The following APOC4 variants were observed in gnomAD, a reference collection of about 807,000 sequenced individuals.
The protein encoded by APOC4 is apolipoprotein C4.
In APOC4, 10 loss-of-function variants were observed where a neutral mutation model predicts 8.4. The ratio of observed to expected loss-of-function variants is 1.19; its 90% CI spans 0.74 to 2.03. The LOEUF (loss-of-function observed/expected upper bound fraction) is 2.03, where lower values mean the gene tolerates loss of function less well. Among genes scored for constraint, APOC4 ranks in the 30% most tolerant of loss-of-function variants. The pLI is 0.00. For synonymous variants in APOC4, 59 were observed against 65.8 expected, an observed-to-expected ratio of 0.90 and a Z score of 0.50; for missense variants, 160 against 156.1, an observed-to-expected ratio of 1.02 and a Z score of -0.13.
At chr19:44,944,994 G>T in intron 2 of APOC4, 104 bp downstream of exon 2, 1 of 1,523,330 alleles carries the variant, frequency 6.6e-7, no homozygotes, top group Non-Finnish European at 8.8e-7. Flanking sequence ...AAGGGTGGGA[G>T]TGGGGCTGTG....
At chr19:44,944,981 G>C (rs777229733) in intron 2 of APOC4, 91 bp downstream of exon 2, 1 of 1,527,318 alleles carries the variant, frequency 6.5e-7, no homozygotes, top group African/African-American at 1.4e-5. Flanking sequence ...TCAGGGAGGA[G>C]GAAAGGGTGG....
chr19:44,943,571 C>CA (rs1453447627), intron 1 of APOC4, among the ~76,000 whole-genome samples: 6 of 151,654 alleles, frequency 4.0e-5, no homozygotes, highest in Admixed American at 6.6e-5. Context: ...ACTAAAAATA[C>CA]AAAAAATTAG....
intron 1 of APOC4, among the ~76,000 whole-genome samples, chr19:44,943,203 G>A (rs1970279213): frequency 6.6e-6 from 1 of 151,854 alleles, no homozygotes; most frequent in Non-Finnish European, 1.5e-5. Flanking sequence ...TTATAGGCGT[G>A]AGCCACTGCG....
At position 44,942,391 on chromosome 19, in the gene APOC4, C is replaced by T. The variant is rs372305822; in HGVS notation, c.76+38C>T. The stretch of plus-strand genomic sequence containing the variant: ...GGGTGGAGGGATGTGGGGCCCACAC[C>T]TGGTGGGTGTGAGTGTGGCTGTGTG... On this transcript the variant is annotated intron_variant, in intron 1 of 2. Transcript: ENST00000592954. 5.2e-5 allele frequency: 83 copies of T among 1,602,526 alleles called. 2 individuals are homozygous for T. In the African/African-American group the frequency reaches 1.0e-3, roughly 20 times the overall value.
chr19:44,943,127 T>C (rs1970278202), intron 1 of APOC4, among the ~76,000 whole-genome samples: 1 of 152,094 alleles, frequency 6.6e-6, no homozygotes, highest in Admixed American at 6.5e-5. Flanking sequence ...TTCGCCGTGT[T>C]AGCCAGGATG....
In APOC4 at chr19:44,945,123, T is replaced by C. The variant is rs750133809; in HGVS notation, c.219-17T>C. 3.1e-6 allele frequency: 5 copies of C among 1,610,760 alleles called. No individual in the cohort carries two copies. The East Asian group carries it at 6.7e-5, about 22-fold the overall frequency. The stretch of plus-strand genomic sequence containing the variant: ...GGGAGAGCTGGGGCCTCCACTGTGA[T>C]GTCCTCTCTCCTGTAGGAGCCCGAG... On this transcript the variant is annotated splice_polypyrimidine_tract_variant and intron_variant, in intron 2 of 2. Transcript: ENST00000592954.
intron 1 of APOC4, 96 bp from the exon 2 acceptor site, chr19:44,944,653 G>A: frequency 6.9e-7 from 1 of 1,457,048 alleles, no homozygotes; most frequent in Non-Finnish European, 9.1e-7. Flanking sequence ...GGCTGCCCCT[G>A]GGCCACCGGG....
rs1970304004 is a variant in APOC4, at chr19:44,945,170, G to A, written c.249G>A (p.Gln83=). The change falls in exon 3 of 3, where the codon CAG becomes CAA. Residue 83 remains glutamine (Q), a synonymous_variant. Coordinates refer to ENST00000592954, the MANE Select transcript of APOC4 (RefSeq NM_001646.3). ...WSPSTFRGFM[Q]TYYDDHLRDL... The stretch of plus-strand genomic sequence containing the variant: ...CGAGCACCTTCCGGGGCTTCATGCA[G>A]ACCTACTATGACGACCACCTGAGGG... The A allele has an allele frequency of 3.7e-6, 6 of 1,613,968 alleles. No individual in the cohort carries two copies. The highest frequency in any genetic ancestry group is 1.3e-5 in the African/African-American group (1 of 74,908).
In APOC4 at chr19:44,945,282, T is replaced by C. The variant is rs1233151881; in HGVS notation, c.361T>C (p.Cys121Arg). 2.5e-6 allele frequency: 4 copies of C among 1,613,794 alleles called. No individual in the cohort carries two copies. Among genetic ancestry groups the C allele is most frequent in the Non-Finnish European group, 3.4e-6 (4 of 1,179,942 alleles). ...CCACAGCCTGTGCCCCAGGCTTGTC[T>C]GTGGGGACAAGGACCAGGGTTAAAA... ...KTHSLCPRLV[C>R]GDKDQG is the part of the protein sequence containing the mutation. Residue 121 changes from cysteine to arginine, a missense_variant, in exon 3 of 3, where the codon TGT (cysteine) becomes CGT (arginine). By Grantham distance (180) the Cys-to-Arg change is radical. Transcript: ENST00000592954.
At chr19:44,944,961 C>T in intron 2 of APOC4, 71 bp downstream of exon 2, 1 of 1,540,268 alleles carries the variant, frequency 6.5e-7, no homozygotes, top group Non-Finnish European at 8.8e-7. Context: ...GGGGCCTGGA[C>T]CCCTGAGTCT....
In APOC4 at chr19:44,945,272, C is replaced by G; in HGVS notation, c.351C>G (p.Pro117=). 6.2e-7 allele frequency: 1 copy of G among 1,613,914 alleles called. No individual in the cohort carries two copies. Among genetic ancestry groups the G allele is most frequent in the South Asian group, 1.1e-5 (1 of 91,072 alleles). The change falls in exon 3 of 3, where the codon CCC becomes CCG. Residue 117 remains proline (P), a synonymous_variant. Coordinates refer to ENST00000592954, the MANE Select transcript of APOC4 (RefSeq NM_001646.3). ...TGAAGAAGACCCACAGCCTGTGCCC[C>G]AGGCTTGTCTGTGGGGACAAGGACC... is the stretch of plus-strand genomic sequence containing the variant. The part of the protein sequence containing the change: ...SLLKKTHSLC[P]RLVCGDKDQG
At chr19:44,942,519 G>C (rs1970270387) in intron 1 of APOC4, among the ~76,000 whole-genome samples, 166 bp downstream of exon 1, 1 of 152,154 alleles carries the variant, frequency 6.6e-6, no homozygotes, top group Non-Finnish European at 1.5e-5. Context: ...CGGTGGCTGA[G>C]AGTGAAGTGT....
At position 44,942,355 on chromosome 19, in the gene APOC4, T is replaced by G. The variant is rs1599984332; in HGVS notation, c.76+2T>G. 6.2e-7 allele frequency: 1 copy of G among 1,611,904 alleles called. No individual in the cohort carries two copies. The highest frequency in any genetic ancestry group is 1.1e-5 in the South Asian group (1 of 90,738). On this transcript the variant is annotated splice_donor_variant, in intron 1 of 2. Transcript: ENST00000592954. LOFTEE classifies it high-confidence loss of function. Reference sequence around the variant, plus strand: ...TGCTGGTCCTGGCCTGCATTGGGGGTGAGAAGAAGTGGGTGGAGGGATGTG... The same window carrying G: ...TGCTGGTCCTGGCCTGCATTGGGGGGGAGAAGAAGTGGGTGGAGGGATGTG...
intron 2 of APOC4, 55 bp from the exon 3 acceptor site, chr19:44,945,085 C>T: frequency 1.3e-6 from 2 of 1,581,222 alleles, no homozygotes; most frequent in South Asian, 1.2e-5. Context: ...ATAAATGGGG[C>T]AGAGAACACC....
chr19:44,943,585 T>A (rs998648550), intron 1 of APOC4, among the ~76,000 whole-genome samples: 6 of 151,718 alleles, frequency 4.0e-5, no homozygotes, highest in Non-Finnish European at 8.8e-5. Flanking sequence ...AAATTAGCCA[T>A]GCATGGTGGC....
chr19:44,943,166 C>G (rs1970278831), intron 1 of APOC4, among the ~76,000 whole-genome samples: 1 of 152,022 alleles, frequency 6.6e-6, no homozygotes, highest in Non-Finnish European at 1.5e-5. Context: ...CGTGATCCGC[C>G]TGCCTCGGCC....
rs1196589330 is a variant in APOC4, at chr19:44,945,244, T to A, written c.323T>A (p.Leu108His). Reference sequence around the variant, plus strand: ...TGGTTCCTCGAATCCAAAGACAGCCTCTTGAAGAAGACCCACAGCCTGTGC... The same window carrying A: ...TGGTTCCTCGAATCCAAAGACAGCCACTTGAAGAAGACCCACAGCCTGTGC... ...KAWFLESKDS[L>H]LKKTHSLCPR... is the part of the protein sequence containing the mutation. The change falls in exon 3 of 3, where the codon CTC (leucine) becomes CAC (histidine). Residue 108 changes from leucine (L) to histidine (H), a missense_variant. Coordinates refer to ENST00000592954, the MANE Select transcript of APOC4 (RefSeq NM_001646.3). 2.5e-6 allele frequency: 4 copies of A among 1,613,886 alleles called. No individual in the cohort carries two copies. The highest frequency in any genetic ancestry group is 3.4e-6 in the Non-Finnish European group (4 of 1,179,992).
Position 44,942,305 on chromosome 19 carries a change from G to A in APOC4, c.28G>A (p.Ala10Thr). The A allele has an allele frequency of 2.5e-6, 4 of 1,613,306 alleles. No individual in the cohort carries two copies. Among genetic ancestry groups the A allele is most frequent in the Non-Finnish European group, 2.5e-6 (3 of 1,179,660 alleles). ...GTCCCTCCTCAGAAACAGGCTCCAGGCCCTGCCTGCCCTGTGCCTCTGCGT... is the reference window on the plus strand; with the variant it reads ...GTCCCTCCTCAGAAACAGGCTCCAGACCCTGCCTGCCCTGTGCCTCTGCGT... The part of the protein sequence containing the change: MSLLRNRLQ[A>T]LPALCLCVLV... Residue 10 changes from alanine to threonine, a missense_variant, in exon 1 of 3, where the codon GCC becomes ACC. Ala to Thr is a moderately conservative substitution (Grantham distance 58). Transcript: ENST00000592954.
intron 1 of APOC4, among the ~76,000 whole-genome samples, chr19:44,942,972 A>T (rs1277987084): frequency 6.6e-6 from 1 of 150,712 alleles, no homozygotes; most frequent in Non-Finnish European, 1.5e-5. Flanking sequence ...CCCAGGCTGG[A>T]GTGCAGTGGC....
Sources: allele counts gnomAD v4.1 joint callset (sites outside exome capture counted in the v4.1 genomes callset), GRCh38; gene constraint gnomAD v4.1.1; transcripts MANE v1.5; gene names NCBI Gene and HGNC (gene_info 2026-07-23, HGNC 2026-07-21).